The following ERG variants were observed in gnomAD, a reference collection of about 807,000 sequenced individuals.
The protein encoded by ERG is transcriptional regulator ERG.
ERG carries 9 observed loss-of-function variants against 55.3 expected under a neutral mutation model. The ratio of observed to expected loss-of-function variants is 0.16; its 90% confidence interval spans 0.10 to 0.28. The LOEUF (loss-of-function observed/expected upper bound fraction) is 0.28, where lower values mean the gene tolerates loss of function less well. Among genes scored for constraint, ERG ranks in the 10% least tolerant of loss-of-function variants. The pLI, the probability that ERG is intolerant of heterozygous loss-of-function variation, is 1.00. For missense variants in ERG, 434 were observed against 631.6 expected (o/e 0.69, Z 3.35); for synonymous variants, 223 against 237.3 (o/e 0.94, Z 0.55).
At chr21:38,614,498 C>G (rs1328167335) in intron 1 of ERG, among the ~76,000 whole-genome samples, 5 of 152,130 alleles carry the variant, frequency 3.3e-5, no homozygotes, top group African/African-American at 4.8e-5. Context: ...TCCTTGGGAC[C>G]ACGCAGATGA....
At position 38,535,630 on chromosome 21, in the gene ERG, G is replaced by A. The variant is rs534491181; in HGVS notation, c.-41+40032C>T. On this transcript the variant is annotated intron_variant, in intron 2 of 8. Coordinates refer to the ERG transcript ENST00000398897. ...TGGGCAGCCTGGAAGACCCAAAGAC[G>A]AATTAGGGAAGTACCCTATATTTAA... Among the ~76,000 whole-genome samples the A allele has an allele frequency of 3.9e-5, 6 of 152,130 alleles. No homozygotes were observed. The South Asian group carries it at 8.3e-4, about 21-fold the overall frequency.
intron 2 of ERG, among the ~76,000 whole-genome samples, chr21:38,440,657 C>T (rs925195450): frequency 6.6e-6 from 1 of 151,886 alleles, no homozygotes; most frequent in Admixed American, 6.6e-5. Flanking sequence ...CCCATCTCCG[C>T]TAAAAATATG....
At position 38,594,377 on chromosome 21, in the gene ERG, C is replaced by T. The variant is rs150300308; in HGVS notation, c.-149-9432G>A. On this transcript the variant is annotated intron_variant, in intron 1 of 10. Transcript: ENST00000398910. The stretch of plus-strand genomic sequence containing the variant: ...GGTTGACAACATGCCTCCCCGTTAA[C>T]CCATGAAGCCTCATAGGTATGCACT... 2.8e-3 allele frequency among the ~76,000 whole-genome samples: 429 copies of T among 152,354 alleles called. 2 individuals carry two copies. The highest frequency in any genetic ancestry group is 9.8e-3 in the African/African-American group (409 of 41,586).
At chr21:38,597,729 T>G (rs889431111) in intron 1 of ERG, among the ~76,000 whole-genome samples, 4 of 152,096 alleles carry the variant, frequency 2.6e-5, no homozygotes, top group Non-Finnish European at 4.4e-5. Flanking sequence ...AGGGAATAAG[T>G]CCTTCCTTCC....
chr21:38,471,454 G>A (rs890662149), intron 1 of ERG: 3 of 152,190 alleles, frequency 2.0e-5, no homozygotes, highest in Non-Finnish European at 2.9e-5. Context: ...ATCAAAGAAC[G>A]ACAAACCACT....
At chr21:38,580,174 C>T (rs763753123) in intron 1 of ERG, among the ~76,000 whole-genome samples, 7 of 152,116 alleles carry the variant, frequency 4.6e-5, no homozygotes, top group Admixed American at 1.3e-4. Flanking sequence ...CAGATGGTCT[C>T]GATCTCCTGA....
intron 3 of ERG, among the ~76,000 whole-genome samples, chr21:38,413,828 T>C (rs1018315485): frequency 6.6e-6 from 1 of 152,162 alleles, no homozygotes. Context: ...CTGCCTGGGT[T>C]TTCTTTCTTT....
chr21:38,558,583 T>C (rs998930426), intron 2 of ERG, among the ~76,000 whole-genome samples: 10 of 152,210 alleles, frequency 6.6e-5, no homozygotes, highest in East Asian at 5.8e-4. Context: ...GGCAAAAGTA[T>C]GGAAATGCAA....
intron 2 of ERG, among the ~76,000 whole-genome samples, chr21:38,574,780 C>G (rs970142866): frequency 6.6e-6 from 1 of 152,180 alleles, no homozygotes; most frequent in Non-Finnish European, 1.5e-5. Flanking sequence ...AACCACACCA[C>G]TTAGGGAAAA....
In ERG at chr21:38,402,540, G is replaced by A. The variant is rs374244797; in HGVS notation, c.673+17C>T. 1.2e-6 allele frequency: 2 copies of A among 1,602,272 alleles called. No homozygotes were observed. The highest frequency in any genetic ancestry group is 1.7e-6 in the Non-Finnish European group (2 of 1,171,646). ...CCCTACGCTCTTGCTGGGAGGCAGG[G>A]GCGGGGCCAGCATTACCTGTGTTTC... is the stretch of plus-strand genomic sequence containing the variant. On this transcript the variant is annotated intron_variant, in intron 5 of 9. Coordinates refer to ENST00000288319, the MANE Select transcript of ERG (RefSeq NM_182918.4).
At chr21:38,612,591 A>G (rs2060234190) in intron 1 of ERG, among the ~76,000 whole-genome samples, 1 of 152,138 alleles carries the variant, frequency 6.6e-6, no homozygotes, top group Non-Finnish European at 1.5e-5. Flanking sequence ...GTAAGTCTTC[A>G]TGAAAAACAG....
chr21:38,381,570 T>C lies in ERG; in HGVS notation c.*1833A>G. ...AAATCTAGACGTTATCCCTTGTTTC[T>C]GTAAAGTGAGAAATTGCAGCTATCC... On this transcript the variant is annotated 3_prime_UTR_variant, in exon 10 of 10. Coordinates refer to ENST00000288319, the MANE Select transcript of ERG (RefSeq NM_182918.4). 9.4e-7 allele frequency: 1 copy of C among 1,063,476 alleles called. No homozygotes were observed. The highest frequency in any genetic ancestry group is 1.1e-6 in the Non-Finnish European group (1 of 878,130). 65.9% of individuals were successfully genotyped at this position (1,063,476 alleles called of 1,614,324 possible).
Position 38,560,823 on chromosome 21 carries a change from C to A in ERG, c.-41+14839G>T, listed in dbSNP as rs184875587. 1.5e-3 allele frequency among the ~76,000 whole-genome samples: 224 copies of A among 152,270 alleles called. 1 individual carries two copies. The highest frequency in any genetic ancestry group is 5.1e-3 in the African/African-American group (210 of 41,576). On this transcript the variant is annotated intron_variant, in intron 2 of 8. Transcript: ENST00000398897. ...CAAATTGTGGTCCTCATGGAGTGAA[C>A]TGATCATCAAATGTTGCTGTTTACA... is the stretch of plus-strand genomic sequence containing the variant.
At chr21:38,631,760 C>T (rs1440600916) in intron 1 of ERG, among the ~76,000 whole-genome samples, 3 of 152,128 alleles carry the variant, frequency 2.0e-5, no homozygotes, top group Non-Finnish European at 2.9e-5. Flanking sequence ...GTAGCCGTGA[C>T]CCTCATCCCA....
intron 2 of ERG, among the ~76,000 whole-genome samples, chr21:38,523,417 T>C (rs1182840524): frequency 1.3e-5 from 2 of 152,194 alleles, no homozygotes; most frequent in East Asian, 3.9e-4. Context: ...CAAATGAGGA[T>C]TCCAATGAGT....
At chr21:38,447,477 C>A (rs1313519794) in intron 1 of ERG, among the ~76,000 whole-genome samples, 1 of 149,192 alleles carries the variant, frequency 6.7e-6, no homozygotes, top group African/African-American at 2.5e-5. Context: ...AACTCATCAA[C>A]AACCAAAAAT....
At chr21:38,641,456 T>C (rs151185014) in intron 1 of ERG, among the ~76,000 whole-genome samples, 1 of 152,238 alleles carries the variant, frequency 6.6e-6, no homozygotes, top group African/African-American at 2.4e-5. Context: ...TATTTTGTTA[T>C]AGCAGCCTGA....
At chr21:38,466,566 G>C (rs541399694) in intron 1 of ERG, among the ~76,000 whole-genome samples, 2 of 152,136 alleles carry the variant, frequency 1.3e-5, no homozygotes, top group South Asian at 2.1e-4. Flanking sequence ...CCAAAGTGAG[G>C]GGGGGTCTAT....
chr21:38,580,361 T>C (rs2060021467), intron 1 of ERG, among the ~76,000 whole-genome samples: 2 of 152,246 alleles, frequency 1.3e-5, no homozygotes, highest in South Asian at 4.1e-4. Context: ...GTGTTCCTAA[T>C]GGTCATTTCT....
Sources: allele counts gnomAD v4.1 joint callset (sites outside exome capture counted in the v4.1 genomes callset), GRCh38; gene constraint gnomAD v4.1.1; transcripts MANE v1.5; gene names NCBI Gene and HGNC (gene_info 2026-07-23, HGNC 2026-07-21).